GARIN1B: variants seen among roughly 807,000 people sequenced by gnomAD.
GARIN1B encodes Golgi-associated RAB2 interactor protein 1B.
At chr7:128,717,050 A>G in the GARIN1B span, 1 of 1,498,458 alleles carries the variant, frequency 6.7e-7, no homozygotes, top group Admixed American at 2.1e-5. Flanking sequence ...GTGGATGCAA[A>G]GTGGAGGTTG....
the GARIN1B span, among the ~76,000 whole-genome samples, chr7:128,717,444 C>CTT: frequency 4.4e-5 from 6 of 136,722 alleles, no homozygotes; most frequent in Non-Finnish European, 7.9e-5. Flanking sequence ...TTCTTTCTTT[C>CTT]TTTTTTTTTT....
chr7:128,714,177 G>C, the GARIN1B span: 1 of 1,521,930 alleles, frequency 6.6e-7, no homozygotes, highest in South Asian at 1.2e-5. Flanking sequence ...ACTTTATAAT[G>C]AAATACAAAA....
At chr7:128,725,430 A>G in the GARIN1B span, among the ~76,000 whole-genome samples, 14 of 151,700 alleles carry the variant, frequency 9.2e-5, no homozygotes, top group African/African-American at 3.2e-4. Flanking sequence ...GCTGGAGTGC[A>G]GTGGCATCTC....
At chr7:128,731,127 A>C in the GARIN1B span, 2 of 1,608,728 alleles carry the variant, frequency 1.2e-6, no homozygotes, top group Admixed American at 3.3e-5. Flanking sequence ...ACCCTTCCGC[A>C]CTGGGGAGAA....
At chr7:128,711,915 C>A in the GARIN1B span, among the ~76,000 whole-genome samples, 60 of 152,172 alleles carry the variant, frequency 3.9e-4, no homozygotes, top group African/African-American at 1.3e-3. Flanking sequence ...TTGGCAGGTG[C>A]CTGCGATCCC....
the GARIN1B span, among the ~76,000 whole-genome samples, chr7:128,726,194 A>T: frequency 6.6e-6 from 1 of 152,236 alleles, no homozygotes; most frequent in African/African-American, 2.4e-5. Context: ...AAGTGACGTG[A>T]TCCAATTTAC....
chr7:128,718,845 G>A, the GARIN1B span: 3 of 1,613,962 alleles, frequency 1.9e-6, no homozygotes, highest in Non-Finnish European at 1.7e-6. Context: ...CTCCCATTGA[G>A]GTTTGTGGAG....
chr7:128,709,219 T>C, the GARIN1B span: 1 of 152,186 alleles, frequency 6.6e-6, no homozygotes, highest in African/African-American at 2.4e-5. Flanking sequence ...TAAGAGAAAA[T>C]CAAAATTCTA....
the GARIN1B span, chr7:128,731,018 A>G: frequency 1.6e-6 from 2 of 1,288,066 alleles, no homozygotes; most frequent in Non-Finnish European, 2.3e-6. Context: ...TTTTTAAATT[A>G]GCATAAGTAT....
At chr7:128,723,125 G>C in the GARIN1B span, 1 of 1,468,058 alleles carries the variant, frequency 6.8e-7, no homozygotes, top group African/African-American at 1.4e-5. Context: ...TTAGAGTCTG[G>C]ACCATGATAT....
chr7:128,731,738 C>T, the GARIN1B span: 6,714 of 154,306 alleles, frequency 0.044, 485 homozygotes, highest in African/African-American at 0.15. Flanking sequence ...AGCTTCATTC[C>T]TTCTTTGTTG....
the GARIN1B span, among the ~76,000 whole-genome samples, chr7:128,730,732 C>T: frequency 4.1e-3 from 628 of 152,144 alleles, 3 homozygotes; most frequent in Middle Eastern, 6.8e-3. Flanking sequence ...CTGCAACCTC[C>T]GCCTCCCAGG....
the GARIN1B span, among the ~76,000 whole-genome samples, chr7:128,723,669 C>A: frequency 6.6e-6 from 1 of 151,864 alleles, no homozygotes; most frequent in African/African-American, 2.4e-5. Context: ...GCCACCATGC[C>A]CCCAACTAAT....
the GARIN1B span, among the ~76,000 whole-genome samples, chr7:128,720,069 AGTTCTTCATCTGATAGAT>A: frequency 6.6e-6 from 1 of 152,144 alleles, no homozygotes; most frequent in Non-Finnish European, 1.5e-5. Context: ...TCTGGATACA[AGTTCTTCATCTGATAGAT>A]GATTTCAAAA....
At chr7:128,717,986 T>G in the GARIN1B span, among the ~76,000 whole-genome samples, 1 of 152,156 alleles carries the variant, frequency 6.6e-6, no homozygotes, top group African/African-American at 2.4e-5. Context: ...GTTCTTGGTG[T>G]ACCTCTAGCA....
chr7:128,729,809 G>A, the GARIN1B span: 12 of 1,333,592 alleles, frequency 9.0e-6, 1 homozygote, highest in South Asian at 1.4e-4. Flanking sequence ...ATGGTGCCTG[G>A]CACATCGTAA....
the GARIN1B span, chr7:128,726,719 G>T: frequency 1.8e-6 from 2 of 1,109,796 alleles, no homozygotes; most frequent in Non-Finnish European, 1.3e-6. Flanking sequence ...ATTTATATCT[G>T]TCTCTAAAGC....
the GARIN1B span, among the ~76,000 whole-genome samples, chr7:128,721,448 A>G: frequency 6.6e-6 from 1 of 152,114 alleles, no homozygotes. Flanking sequence ...TGGTTTTTTA[A>G]TATTAACCTC....
At chr7:128,718,313 T>C in the GARIN1B span, among the ~76,000 whole-genome samples, 1 of 151,754 alleles carries the variant, frequency 6.6e-6, no homozygotes, top group Non-Finnish European at 1.5e-5. Context: ...ATGCCTGTAA[T>C]CCCAGCTACT....
Sources: allele counts gnomAD v4.1 joint callset (sites outside exome capture counted in the v4.1 genomes callset), GRCh38; gene constraint gnomAD v4.1.1; transcripts MANE v1.5; gene names NCBI Gene and HGNC (gene_info 2026-07-23, HGNC 2026-07-21).